Variants in COL5A1 observed in about 807,000 individuals in gnomAD.
COL5A1 encodes the protein collagen alpha-1(V) chain.
In COL5A1, 16 loss-of-function variants were observed where a neutral mutation model predicts 263.7. The observed-to-expected ratio is 0.06, with a 90% CI of 0.04 to 0.09. COL5A1 has a LOEUF of 0.09. Ranked by LOEUF, COL5A1 falls within the 10% of genes least tolerant of loss-of-function variation. The pLI is 1.00. For synonymous variants in COL5A1, 1,012 were observed against 1,004.5 expected (o/e 1.01, Z -0.14); for missense variants, 2,036 against 2,540.5 (o/e 0.80, Z 4.27).
rs375237403 is a variant in COL5A1, at chr9:134,831,755, G to A, written c.5136+1711G>A. ...AAAGCAGAAAGAGCCTATTTTCCTC[G>A]CTTGGAGGAAATGGCTGTGAAACCT... On this transcript the variant is annotated intron_variant, in intron 64 of 65. Transcript: ENST00000371817. Among the ~76,000 whole-genome samples, 34 of 152,304 alleles carry A rather than the reference G, an allele frequency of 2.2e-4. No homozygotes were observed. In the East Asian group the frequency reaches 2.7e-3, roughly 12 times the overall value.
intron 64 of COL5A1, among the ~76,000 whole-genome samples, chr9:134,831,554 T>C (rs1039823483): frequency 2.8e-4 from 43 of 152,236 alleles, no homozygotes; most frequent in African/African-American, 9.9e-4. Flanking sequence ...GGGATGCTGA[T>C]GTGTGGGATC....
chr9:134,772,189 G>A (rs985954167), intron 25 of COL5A1, among the ~76,000 whole-genome samples: 20 of 152,202 alleles, frequency 1.3e-4, no homozygotes, highest in African/African-American at 4.8e-4. Flanking sequence ...GATGTGCTGG[G>A]ACCCCTCAGT....
In COL5A1 at chr9:134,696,530, A is replaced by C. The variant is rs896329995; in HGVS notation, c.278-3379A>C. The stretch of plus-strand genomic sequence containing the variant: ...TGATGATTTCTGTTTGTATCGTGGG[A>C]GTATCACTTTCTGAGGTCAGGGACC... On this transcript the variant is annotated intron_variant, in intron 2 of 65. Transcript: ENST00000371817. This position sits in a 1 kb window ranked among gnomAD's most constrained non-coding sequence, Gnocchi z 4.3. 1.2e-4 allele frequency among the ~76,000 whole-genome samples: 18 copies of C among 152,208 alleles called. No homozygotes were observed. The highest frequency in any genetic ancestry group is 5.9e-4 in the Admixed American group (9 of 15,290).
At chr9:134,715,416 A>G (rs1364191464) in intron 4 of COL5A1, among the ~76,000 whole-genome samples, 1 of 152,082 alleles carries the variant, frequency 6.6e-6, no homozygotes, top group Non-Finnish European at 1.5e-5. Context: ...CCTTCCTCTT[A>G]TCTCAACTGC....
In COL5A1 at chr9:134,696,279, T is replaced by C. The variant is rs1833465206; in HGVS notation, c.278-3630T>C. On this transcript the variant is annotated intron_variant, in intron 2 of 65. Coordinates refer to ENST00000371817, the MANE Select transcript of COL5A1 (RefSeq NM_000093.5). The surrounding 1 kb of genome is among the most constrained non-coding windows in gnomAD (Gnocchi z 4.3). ...ACCTCTGCCTCCCAGGTTCAAGCGA[T>C]TCTCCTGCCTCAGCCCCCCGAGTAG... Among the ~76,000 whole-genome samples the C allele has an allele frequency of 1.3e-5, 2 of 152,224 alleles. No homozygotes were observed. Among genetic ancestry groups the C allele is most frequent in the South Asian group, 2.1e-4 (1 of 4,808 alleles).
At chr9:134,697,027 C>T (rs557557104) in intron 2 of COL5A1, among the ~76,000 whole-genome samples, 15 of 151,630 alleles carry the variant, frequency 9.9e-5, no homozygotes, top group African/African-American at 2.7e-4. Flanking sequence ...GCTGAGATCA[C>T]GCCACTGCAC....
Position 134,700,810 on chromosome 9 carries a change from C to T in COL5A1, c.492-361C>T, listed in dbSNP as rs113897581. Among the ~76,000 whole-genome samples the T allele has an allele frequency of 9.7e-3, 1,484 of 152,304 alleles. 12 individuals are homozygous for T. The highest frequency in any genetic ancestry group is 0.016 in the Non-Finnish European group (1,122 of 68,026). On this transcript the variant is annotated intron_variant, in intron 3 of 65. Coordinates refer to ENST00000371817, the MANE Select transcript of COL5A1 (RefSeq NM_000093.5). This position sits in a 1 kb window ranked among gnomAD's most constrained non-coding sequence, Gnocchi z 4.0. ...AACGGCCGCCGCCCTGCCATTCTCC[C>T]GATGGCTGTGACCGCACCGCAGGGA...
chr9:134,714,651 T>G (rs1467316179), intron 4 of COL5A1, among the ~76,000 whole-genome samples: 1 of 139,936 alleles, frequency 7.1e-6, no homozygotes, highest in Admixed American at 7.0e-5. Context: ...GTGGTGGTGG[T>G]GGTGGAGGCG....
intron 1 of COL5A1, among the ~76,000 whole-genome samples, chr9:134,663,263 A>C (rs1832263649): frequency 6.6e-6 from 1 of 152,236 alleles, no homozygotes; most frequent in Non-Finnish European, 1.5e-5. Flanking sequence ...TGGGCTCCTC[A>C]TCCTGGAGTC....
intron 57 of COL5A1, among the ~76,000 whole-genome samples, chr9:134,819,773 G>A (rs1366283558): frequency 3.9e-5 from 6 of 152,232 alleles, no homozygotes; most frequent in African/African-American, 1.2e-4. Context: ...TTCCGTATAG[G>A]AGCAGGCGTT....
chr9:134,805,241 C>T (rs557387817), intron 41 of COL5A1, 27 bp downstream of exon 41: 4 of 1,613,260 alleles, frequency 2.5e-6, no homozygotes, highest in East Asian at 4.5e-5. Context: ...GTCCCATCCT[C>T]TTTCTTGAAT....
chr9:134,732,578 G>A (rs116583577), intron 9 of COL5A1: 3,032 of 256,286 alleles, frequency 0.012, 97 homozygotes, highest in African/African-American at 0.06. Flanking sequence ...TTATGCAACC[G>A]TTTGGAGTAA....
At chr9:134,685,702 A>T (rs1317942216) in intron 1 of COL5A1, among the ~76,000 whole-genome samples, 1 of 143,026 alleles carries the variant, frequency 7.0e-6, no homozygotes, top group African/African-American at 2.7e-5. Context: ...TCATCCATCC[A>T]TTGTCCATCA....
chr9:134,685,452 C>G (rs1416894576), intron 1 of COL5A1, among the ~76,000 whole-genome samples: 1 of 15,626 alleles, frequency 6.4e-5, no homozygotes, highest in Non-Finnish European at 1.4e-4. Context: ...TGTCCATCAT[C>G]CATCCATCCA....
chr9:134,768,147 TG>T lies in COL5A1; in HGVS notation c.2233-261del, dbSNP rs1369665660. On this transcript the variant is annotated intron_variant, in intron 24 of 65. Transcript: ENST00000371817. Reference sequence around the variant, plus strand: ...CCCCCGGGCCCCAGTATGCAGCAGGTGGATGTGGAGAAGAATGGGGGCACTT... The same window carrying T: ...CCCCCGGGCCCCAGTATGCAGCAGGTGATGTGGAGAAGAATGGGGGCACTT... Among the ~76,000 whole-genome samples, 2 of 152,018 alleles carry T rather than the reference TG, an allele frequency of 1.3e-5. 1 individual carries two copies. The highest frequency in any genetic ancestry group is 4.8e-5 in the African/African-American group (2 of 41,366).
chr9:134,790,381 TCCAC>T (rs1249527157), intron 32 of COL5A1, among the ~76,000 whole-genome samples: 955 of 90,006 alleles, frequency 0.011, 10 homozygotes, highest in Non-Finnish European at 0.017. Flanking sequence ...CATGCATCCA[TCCAC>T]CCACCCACCC....
rs776890898 is a variant in COL5A1, at chr9:134,809,328, C to G, written c.3474+38C>G. Reference sequence around the variant, plus strand: ...CAGAGTGACCCATGGCTGGGCCTGGCTGGGCAGACGGGTGTGGGGGAGGGT... The same window carrying G: ...CAGAGTGACCCATGGCTGGGCCTGGGTGGGCAGACGGGTGTGGGGGAGGGT... On this transcript the variant is annotated intron_variant, in intron 43 of 65. Coordinates refer to ENST00000371817, the MANE Select transcript of COL5A1 (RefSeq NM_000093.5). The G allele has an allele frequency of 1.4e-5, 21 of 1,501,644 alleles. No individual in the cohort carries two copies. The South Asian group carries it at 2.4e-4, about 18-fold the overall frequency. 93.0% of individuals were successfully genotyped at this position (1,501,644 alleles called of 1,614,324 possible). A position where few individuals can be genotyped will look rare whatever the true frequency, so the allele number is the denominator to read the frequency against.
chr9:134,738,526 G>A lies in COL5A1; in HGVS notation c.1431+11G>A, dbSNP rs768116740. The A allele has an allele frequency of 3.9e-5, 63 of 1,613,904 alleles. No homozygotes were observed. The highest frequency in any genetic ancestry group is 5.3e-5 in the Non-Finnish European group (62 of 1,180,020). ...CCAGAAGGCCCCGCGGTGAGTATCC[G>A]GCTTTATCCTGTGACTTGCAGAAGG... On this transcript the variant is annotated intron_variant, in intron 10 of 65. Transcript: ENST00000371817.
At chr9:134,648,068 C>T (rs138547692) in intron 1 of COL5A1, among the ~76,000 whole-genome samples, 1 of 152,152 alleles carries the variant, frequency 6.6e-6, no homozygotes, top group Non-Finnish European at 1.5e-5. Context: ...TCTAATCAGC[C>T]GCTAGCAGGT....
Sources: allele counts gnomAD v4.1 joint callset (sites outside exome capture counted in the v4.1 genomes callset), GRCh38; gene constraint gnomAD v4.1.1; non-coding constraint Gnocchi (gnomAD v3.1); transcripts MANE v1.5; gene names NCBI Gene and HGNC (gene_info 2026-07-23, HGNC 2026-07-21).